Variants in MOCOS observed in about 807,000 individuals in gnomAD.
MOCOS encodes human molybdenum cofactor sulfurase.
Under a neutral mutation model 83.6 loss-of-function variants are expected in MOCOS, and 86 were observed. The ratio of observed to expected loss-of-function variants is 1.03; its 90% confidence interval spans 0.86 to 1.23. The LOEUF is 1.23. Ranked by LOEUF, MOCOS falls within the 50% of genes most tolerant of loss-of-function variation. The probability of loss-of-function intolerance (pLI) is 0.00; values close to 1 mark genes in which losing one functional copy is unlikely to be tolerated. For synonymous variants in MOCOS, 445 were observed against 434.7 expected (o/e 1.02, Z -0.29); for missense variants, 1,120 against 1,126.9 (o/e 0.99, Z 0.09).
At chr18:36,225,352 A>C (rs557935178) in intron 9 of MOCOS, among the ~76,000 whole-genome samples, 16 of 152,178 alleles carry the variant, frequency 1.1e-4, no homozygotes, top group African/African-American at 3.9e-4. Flanking sequence ...GGGTTTCACC[A>C]TGTTGGCCAG....
chr18:36,217,683 A>C (rs998772511), intron 8 of MOCOS, among the ~76,000 whole-genome samples: 31 of 152,204 alleles, frequency 2.0e-4, no homozygotes, highest in African/African-American at 7.2e-4. Flanking sequence ...AATTGGACTA[A>C]TTCTCTCTGT....
At chr18:36,233,219 T>C (rs890649227) in intron 9 of MOCOS, among the ~76,000 whole-genome samples, 1 of 152,204 alleles carries the variant, frequency 6.6e-6, no homozygotes, top group African/African-American at 2.4e-5. Context: ...TATGTCATTC[T>C]TATGTCTTTA....
intron 13 of MOCOS, among the ~76,000 whole-genome samples, chr18:36,266,148 C>G (rs994367445): frequency 2.6e-5 from 4 of 152,090 alleles, no homozygotes; most frequent in Non-Finnish European, 5.9e-5. Flanking sequence ...CGACCTCCTC[C>G]TCCTCTTTCT....
intron 9 of MOCOS, 46 bp from the exon 10 acceptor site, chr18:36,248,876 T>C: frequency 6.6e-7 from 1 of 1,506,320 alleles, no homozygotes; most frequent in Non-Finnish European, 9.2e-7. Flanking sequence ...CAAGTAGCTG[T>C]TGTTTTTACA....
intron 9 of MOCOS, among the ~76,000 whole-genome samples, chr18:36,221,692 T>G (rs2091496578): frequency 6.6e-6 from 1 of 152,060 alleles, no homozygotes; most frequent in Admixed American, 6.6e-5. Flanking sequence ...GCCAGTGTTA[T>G]TACTAGAGTT....
chr18:36,241,428 C>A (rs1469845334), intron 9 of MOCOS, among the ~76,000 whole-genome samples: 1 of 152,222 alleles, frequency 6.6e-6, no homozygotes, highest in Non-Finnish European at 1.5e-5. Context: ...TCAAAATGAT[C>A]TTCTTTGACT....
Position 36,269,219 on chromosome 18 carries a change from T to C in MOCOS, c.*534T>C, listed in dbSNP as rs2091691659. On this transcript the variant is annotated 3_prime_UTR_variant, in exon 15 of 15. Transcript: ENST00000261326. ...GTGACCACATTCCTTGAGGGGAGTT[T>C]CTACCAGAATATTTATATTCTGAGC... is the stretch of plus-strand genomic sequence containing the variant. 1 of 160,228 alleles carries C rather than the reference T, an allele frequency of 6.2e-6. No homozygotes were observed. The highest frequency in any genetic ancestry group is 1.4e-5 in the Non-Finnish European group (1 of 72,772). 9.9% of individuals were successfully genotyped at this position (160,228 alleles called of 1,614,324 possible).
intron 11 of MOCOS, among the ~76,000 whole-genome samples, chr18:36,253,520 G>C (rs534645408): frequency 6.6e-6 from 1 of 152,100 alleles, no homozygotes; most frequent in South Asian, 2.1e-4. Flanking sequence ...ACAAAAATTA[G>C]CCGGGCATGG....
intron 9 of MOCOS, among the ~76,000 whole-genome samples, chr18:36,224,093 G>T (rs1236027149): frequency 1.3e-5 from 2 of 152,112 alleles, no homozygotes; most frequent in Admixed American, 1.3e-4. Context: ...TGTTTTTAGT[G>T]TATAGAAATG....
intron 12 of MOCOS, 63 bp downstream of exon 12, chr18:36,257,136 T>G: frequency 7.2e-7 from 1 of 1,385,740 alleles, no homozygotes; most frequent in Non-Finnish European, 1.0e-6. Flanking sequence ...GAGCAGGGCC[T>G]GGCACCTGCC....
intron 7 of MOCOS, among the ~76,000 whole-genome samples, chr18:36,214,087 T>G (rs1387788298): frequency 2.7e-5 from 4 of 150,668 alleles, no homozygotes; most frequent in African/African-American, 9.8e-5. Context: ...ACTGAAAATA[T>G]AAAATTATCC....
intron 12 of MOCOS, among the ~76,000 whole-genome samples, chr18:36,258,328 T>C (rs759872425): frequency 5.3e-5 from 8 of 152,246 alleles, no homozygotes; most frequent in Admixed American, 1.3e-4. Context: ...GACTCTATCA[T>C]GCACATGTTA....
intron 9 of MOCOS, among the ~76,000 whole-genome samples, chr18:36,223,399 T>A (rs2091504151): frequency 6.6e-6 from 1 of 152,238 alleles, no homozygotes; most frequent in African/African-American, 2.4e-5. Context: ...CATGTAACCA[T>A]ATATGCATGG....
At position 36,191,032 on chromosome 18, in the gene MOCOS, G is replaced by GAAAAAAA. The variant is rs1246789036; in HGVS notation, c.142+3356_142+3357insAAAAAAA. On this transcript the variant is annotated intron_variant, in intron 1 of 14. Coordinates refer to ENST00000261326, the MANE Select transcript of MOCOS (RefSeq NM_017947.4). Reference sequence around the variant, plus strand: ...AGACCCTATCTCTCAAAAAAAAAAAGAAAAAGAAAAAAAAGTGTGTAGCAC... The same window carrying GAAAAAAA: ...AGACCCTATCTCTCAAAAAAAAAAAGAAAAAAAAAAAAGAAAAAAAAGTGTGTAGCAC... 8.0e-4 allele frequency among the ~76,000 whole-genome samples: 101 copies of GAAAAAAA among 126,776 alleles called. 8 individuals are homozygous for GAAAAAAA. The South Asian group carries it at 0.023, about 29-fold the overall frequency. 83.2% of individuals were successfully genotyped at this position (126,776 alleles called of 152,430 possible). A position where few individuals can be genotyped will look rare whatever the true frequency, so the allele number is the denominator to read the frequency against.
chr18:36,212,107 G>A (rs1364474083), intron 6 of MOCOS, among the ~76,000 whole-genome samples: 1 of 152,150 alleles, frequency 6.6e-6, no homozygotes, highest in African/African-American at 2.4e-5. Context: ...CAGGAGTAAA[G>A]GAGTCTCCAG....
intron 9 of MOCOS, among the ~76,000 whole-genome samples, chr18:36,238,827 G>A (rs1211240295): frequency 7.1e-5 from 9 of 127,174 alleles, no homozygotes; most frequent in African/African-American, 2.5e-4. Context: ...CCTGTATTGG[G>A]TGCATATATA....
rs756169597 is a variant in MOCOS, at chr18:36,251,258, G to T, written c.2139G>T (p.Arg713Ser). The T allele has an allele frequency of 1.9e-6, 3 of 1,614,046 alleles. No individual in the cohort carries two copies. The South Asian group carries it at 3.3e-5, about 18-fold the overall frequency. Reference sequence around the variant, plus strand: ...TCAAACAAAGTTCAAACTCTCAAAGGAATGCAAAGAAGAAACATGGAAAAG... The same window carrying T: ...TCAAACAAAGTTCAAACTCTCAAAGTAATGCAAAGAAGAAACATGGAAAAG... The part of the protein sequence containing the change: ...HLIKQSSNSQ[R>S]NAKKKHGKDQ... The change falls in exon 11 of 15, where the codon AGG becomes AGT. Residue 713 changes from arginine to serine, a missense_variant. Arg to Ser is a moderately radical substitution (Grantham distance 110). Coordinates refer to ENST00000261326, the MANE Select transcript of MOCOS (RefSeq NM_017947.4).
intron 1 of MOCOS, among the ~76,000 whole-genome samples, chr18:36,193,995 A>G (rs150750859): frequency 5.8e-4 from 88 of 152,376 alleles, no homozygotes; most frequent in Middle Eastern, 3.4e-3. Flanking sequence ...TAAAATGTGG[A>G]CGTACCTTGA....
chr18:36,259,726 C>T (rs1276092905), intron 12 of MOCOS, among the ~76,000 whole-genome samples: 1 of 152,170 alleles, frequency 6.6e-6, no homozygotes, highest in Non-Finnish European at 1.5e-5. Context: ...TCCTTTTTCA[C>T]TGGAGTTCTG....
Sources: gnomAD v4.1 joint callset for allele counts (sites outside exome capture counted in the v4.1 genomes callset) on GRCh38, gnomAD v4.1.1 for gene constraint, MANE v1.5 for transcripts, NCBI Gene and HGNC (gene_info 2026-07-23, HGNC 2026-07-21) for gene names.